CARMIL1: variants seen among roughly 807,000 people sequenced by gnomAD.
CARMIL1 encodes the protein capping protein regulator and myosin 1 linker 1.
Under a neutral mutation model 177.1 loss-of-function variants are expected in CARMIL1, and 90 were observed. The ratio of observed to expected loss-of-function variants is 0.51; its 90% CI spans 0.43 to 0.61. The LOEUF (loss-of-function observed/expected upper bound fraction) is 0.61. CARMIL1 is among the 20% of genes least tolerant of loss of function. The pLI is 0.00. For missense variants in CARMIL1, 1,380 were observed against 1,667.0 expected (o/e 0.83, Z 3.00); for synonymous variants, 577 against 606.2 (o/e 0.95, Z 0.71).
At chr6:25,526,204 G>C (rs537988061) in intron 23 of CARMIL1, among the ~76,000 whole-genome samples, 1 of 149,874 alleles carries the variant, frequency 6.7e-6, no homozygotes, top group East Asian at 2.0e-4. Context: ...TAAGCCAGGC[G>C]TGGTGGTGGG....
chr6:25,610,187 G>C lies in CARMIL1; in HGVS notation c.3979+6G>C, dbSNP rs778066821. On this transcript the variant is annotated splice_donor_region_variant and intron_variant, in intron 36 of 36. Transcript: ENST00000329474. ...CAGGACATTTTCACAGGAAGGTAAG[G>C]ATTGTAAGGATTTCTTTTCTCTGGG... 1.2e-6 allele frequency: 2 copies of C among 1,609,036 alleles called. No individual in the cohort carries two copies. The highest frequency in any genetic ancestry group is 2.2e-5 in the South Asian group (2 of 89,960).
intron 8 of CARMIL1, among the ~76,000 whole-genome samples, chr6:25,464,449 A>G (rs1381184064): frequency 6.6e-6 from 1 of 152,200 alleles, no homozygotes. Context: ...TTTGAGATTT[A>G]AATGAACTGG....
At chr6:25,310,515 A>G (rs1783714467) in intron 2 of CARMIL1, among the ~76,000 whole-genome samples, 1 of 152,248 alleles carries the variant, frequency 6.6e-6, no homozygotes, top group African/African-American at 2.4e-5. Flanking sequence ...GTATTGTTGC[A>G]TGAAATTTAT....
At chr6:25,543,596 G>C (rs932749087) in intron 26 of CARMIL1, among the ~76,000 whole-genome samples, 1 of 152,078 alleles carries the variant, frequency 6.6e-6, no homozygotes, top group African/African-American at 2.4e-5. Context: ...GGGTATTTGT[G>C]TTGGCCTAGG....
intron 8 of CARMIL1, among the ~76,000 whole-genome samples, chr6:25,454,148 A>G (rs1799255522): frequency 6.6e-6 from 1 of 152,256 alleles, no homozygotes; most frequent in South Asian, 2.1e-4. Context: ...TCATCAGTAA[A>G]GACTGAATTA....
chr6:25,459,210 TTTTCTTTCTTTC>T (rs5875042), intron 8 of CARMIL1, among the ~76,000 whole-genome samples: 1,686 of 80,176 alleles, frequency 0.021, 62 homozygotes, highest in African/African-American at 0.057. Flanking sequence ...GATCCCAACT[TTTTCTTTCTTTC>T]TTTCTTTCTT....
intron 29 of CARMIL1, chr6:25,563,923 G>A: frequency 1.0e-6 from 1 of 956,512 alleles, no homozygotes. Flanking sequence ...CAACCCACTA[G>A]TGAGTCATGA....
intron 2 of CARMIL1, among the ~76,000 whole-genome samples, chr6:25,293,268 GTGTGT>G (rs1782126726): frequency 1.0e-5 from 1 of 99,844 alleles, no homozygotes; most frequent in African/African-American, 7.0e-5. Context: ...GATGCTTGGT[GTGTGT>G]GTGTGTGTGT....
Position 25,577,423 on chromosome 6 carries a change from T to G in CARMIL1, c.2743-3501T>G, listed in dbSNP as rs1197984855. On this transcript the variant is annotated intron_variant, in intron 29 of 36. Transcript: ENST00000329474. The surrounding 1 kb of genome is among the most constrained non-coding windows in gnomAD (Gnocchi z 4.5). Reference sequence around the variant, plus strand: ...GCTTCTTATATTAGGAGAACTTTCCTAATCTTCTTCTCAGCTGGTATTGTT... The same window carrying G: ...GCTTCTTATATTAGGAGAACTTTCCGAATCTTCTTCTCAGCTGGTATTGTT... Among the ~76,000 whole-genome samples the G allele has an allele frequency of 6.6e-6, 1 of 152,178 alleles. No individual in the cohort carries two copies. Among genetic ancestry groups the G allele is most frequent in the East Asian group, 1.9e-4 (1 of 5,202 alleles).
intron 2 of CARMIL1, among the ~76,000 whole-genome samples, chr6:25,323,308 G>A (rs563634256): frequency 3.6e-4 from 54 of 151,716 alleles, no homozygotes; most frequent in Middle Eastern, 3.4e-3. Context: ...TAAAGGCCTG[G>A]CACAGTGGCT....
intron 20 of CARMIL1, among the ~76,000 whole-genome samples, chr6:25,514,780 C>T (rs777602691): frequency 1.3e-5 from 2 of 151,736 alleles, no homozygotes; most frequent in Non-Finnish European, 2.9e-5. Flanking sequence ...TAAAATGAGC[C>T]GAATGTGGTG....
chr6:25,474,185 G>A (rs543563711), intron 11 of CARMIL1, among the ~76,000 whole-genome samples: 10 of 150,940 alleles, frequency 6.6e-5, no homozygotes, highest in Non-Finnish European at 1.3e-4. Flanking sequence ...TTGGCTCACC[G>A]CAAGCTCTGC....
At chr6:25,358,188 G>A in intron 2 of CARMIL1, among the ~76,000 whole-genome samples, 1 of 152,174 alleles carries the variant, frequency 6.6e-6, no homozygotes, top group Non-Finnish European at 1.5e-5. Flanking sequence ...GTTGGCTGTG[G>A]TCTTAAAAAC....
chr6:25,580,961 G>A lies in CARMIL1; in HGVS notation c.2780G>A (p.Arg927Gln). Residue 927 changes from arginine (R) to glutamine (Q), a missense_variant, in exon 30 of 37, where the codon CGA becomes CAA. Physicochemically the swap from Arg to Gln is conservative, Grantham distance 43. Coordinates refer to ENST00000329474, the MANE Select transcript of CARMIL1 (RefSeq NM_017640.6). ...TCCAAAAGGAAGAGTATCCATAGCC[G>A]AATGCTGCGGCCTGTTTCTAGGGCT... ...PKSKRKSIHSRMLRPVSRAFE... is the reference protein window; with the variant it reads ...PKSKRKSIHSQMLRPVSRAFE... The A allele has an allele frequency of 1.2e-6, 2 of 1,601,308 alleles. No homozygotes were observed. Among genetic ancestry groups the A allele is most frequent in the Non-Finnish European group, 1.7e-6 (2 of 1,173,414 alleles).
intron 2 of CARMIL1, among the ~76,000 whole-genome samples, chr6:25,302,241 G>A (rs1782912298): frequency 6.6e-6 from 1 of 152,148 alleles, no homozygotes; most frequent in Admixed American, 6.6e-5. Context: ...GTACCTCCAT[G>A]CAGCAAATCC....
At chr6:25,451,995 TCCCC>T in intron 8 of CARMIL1, 1 of 140,704 alleles carries the variant, frequency 7.1e-6, no homozygotes, top group Non-Finnish European at 1.4e-5. Flanking sequence ...TGCCCCCCCC[TCCCC>T]CCCCCAGAAT....
At chr6:25,543,056 G>T (rs915754732) in intron 26 of CARMIL1, among the ~76,000 whole-genome samples, 2 of 152,102 alleles carry the variant, frequency 1.3e-5, no homozygotes, top group African/African-American at 4.8e-5. Flanking sequence ...TGTAAAAATA[G>T]TTTTTATTAT....
At chr6:25,438,167 G>A (rs1797395060) in intron 5 of CARMIL1, among the ~76,000 whole-genome samples, 1 of 152,158 alleles carries the variant, frequency 6.6e-6, no homozygotes, top group African/African-American at 2.4e-5. Context: ...CTTCTCATCT[G>A]TAAAGAGAGT....
chr6:25,446,737 G>T (rs1375210644), intron 5 of CARMIL1, among the ~76,000 whole-genome samples: 1 of 152,096 alleles, frequency 6.6e-6, no homozygotes, highest in East Asian at 1.9e-4. Flanking sequence ...GGCTTTCCAT[G>T]TGCCTTTCTC....
Sources: allele counts gnomAD v4.1 joint callset (sites outside exome capture counted in the v4.1 genomes callset), GRCh38; gene constraint gnomAD v4.1.1; non-coding constraint Gnocchi (gnomAD v3.1); transcripts MANE v1.5; gene names NCBI Gene and HGNC (gene_info 2026-07-23, HGNC 2026-07-21).